Variants in TENM1 observed in about 807,000 individuals in gnomAD.
The protein encoded by TENM1 is teneurin transmembrane protein 1, also known as teneurin-1.
In TENM1, 35 loss-of-function variants were observed where a neutral mutation model predicts 174.8. The ratio of observed to expected loss-of-function variants is 0.20; its 90% CI spans 0.15 to 0.27. The LOEUF (loss-of-function observed/expected upper bound fraction) is 0.27. Ranked by LOEUF, TENM1 falls within the 10% of genes least tolerant of loss-of-function variation. TENM1 has a pLI of 1.00. For missense variants in TENM1, 1,633 were observed against 2,130.1 expected (o/e 0.77, Z 4.59); for synonymous variants, 781 against 798.7 (o/e 0.98, Z 0.37).
the TENM1 span, among the ~76,000 whole-genome samples, chrX:124,989,463 T>C: frequency 1.8e-5 from 2 of 111,126 alleles, no homozygotes; most frequent in African/African-American, 6.5e-5. Context: ...TGTCCCCAAA[T>C]TGCCATCCTA....
the TENM1 span, among the ~76,000 whole-genome samples, chrX:125,146,813 C>T: frequency 2.4e-4 from 27 of 111,060 alleles, no homozygotes; most frequent in African/African-American, 8.8e-4. Flanking sequence ...TAATTTCTGG[C>T]CATTTCTTCA....
chrX:124,632,757 T>C (rs2050791233), intron 11 of TENM1, among the ~76,000 whole-genome samples: 1 of 111,721 alleles, frequency 9.0e-6, no homozygotes, highest in Non-Finnish European at 1.9e-5. Flanking sequence ...AACAATCAGA[T>C]AAATGCAGGA....
At chrX:124,799,926 C>T (rs1302842576) in intron 3 of TENM1, among the ~76,000 whole-genome samples, 1 of 111,896 alleles carries the variant, frequency 8.9e-6, no homozygotes, top group African/African-American at 3.3e-5. Context: ...ATGTGTTGAA[C>T]CAGCCTTGCA....
intron 19 of TENM1, among the ~76,000 whole-genome samples, chrX:124,500,253 A>G (rs1471265071): frequency 8.9e-6 from 1 of 112,172 alleles, no homozygotes; most frequent in Non-Finnish European, 1.9e-5. Flanking sequence ...TTAAAGCTGA[A>G]GCAATCAAAA....
At chrX:124,484,916 A>G (rs1275444427) in intron 21 of TENM1, among the ~76,000 whole-genome samples, 2 of 111,287 alleles carry the variant, frequency 1.8e-5, no homozygotes, top group Non-Finnish European at 3.8e-5. Flanking sequence ...TCATCTCTCT[A>G]TTCTCAGTGC....
In TENM1 at chrX:124,423,206, A is replaced by G. The variant is rs749655629; in HGVS notation, c.4105-568T>C. The stretch of plus-strand genomic sequence containing the variant: ...GCAACCTTTTGCAACAGGACCTGCT[A>G]TTAGCATAGACCTAGCATCCACTTT... On this transcript the variant is annotated intron_variant, in intron 23 of 31. Coordinates refer to ENST00000422452, the Ensembl canonical transcript of TENM1. Among the ~76,000 whole-genome samples the G allele has an allele frequency of 7.1e-5, 8 of 112,566 alleles. No individual in the cohort carries two copies. The East Asian group carries it at 2.0e-3, about 27-fold the overall frequency.
chrX:124,662,455 G>GA (rs1224806453), intron 6 of TENM1, among the ~76,000 whole-genome samples: 462 of 31,017 alleles, frequency 0.015, 7 homozygotes, highest in Admixed American at 0.026. Flanking sequence ...CTTCATCTCA[G>GA]AAAAAAAAAA....
chrX:124,471,279 TAA>T (rs1491219981), intron 22 of TENM1, among the ~76,000 whole-genome samples: 9 of 46,774 alleles, frequency 1.9e-4, no homozygotes, highest in African/African-American at 8.4e-4. Flanking sequence ...GTACTATATA[TAA>T]TATATAGTAC....
chrX:124,779,926 C>T (rs746977053), intron 3 of TENM1, among the ~76,000 whole-genome samples: 1 of 111,760 alleles, frequency 8.9e-6, no homozygotes, highest in Non-Finnish European at 1.9e-5. Context: ...TGGGAACTAA[C>T]CTTAAGTCTG....
chrX:124,900,447 C>T (rs972088417), intron 1 of TENM1, among the ~76,000 whole-genome samples: 1 of 111,846 alleles, frequency 8.9e-6, no homozygotes, highest in East Asian at 2.8e-4. Flanking sequence ...TCTAAATGTC[C>T]GTTACCTTGA....
the TENM1 span, among the ~76,000 whole-genome samples, chrX:125,055,000 G>A: frequency 9.0e-6 from 1 of 111,442 alleles, no homozygotes; most frequent in African/African-American, 3.3e-5. Context: ...TAAGGCTTTC[G>A]GAAAATATAG....
chrX:124,918,440 A>G (rs1312451940), intron 1 of TENM1, among the ~76,000 whole-genome samples: 1 of 110,648 alleles, frequency 9.0e-6, no homozygotes, highest in East Asian at 2.8e-4. Context: ...TTGGCCTCCC[A>G]TAGTGTTGGG....
chrX:124,679,225 C>A (rs184187552), intron 5 of TENM1, among the ~76,000 whole-genome samples: 201 of 112,447 alleles, frequency 1.8e-3, no homozygotes, highest in African/African-American at 6.1e-3. Context: ...ATAATATTTT[C>A]TAAGATACTT....
intron 20 of TENM1, among the ~76,000 whole-genome samples, chrX:124,494,744 T>G (rs1342192668): frequency 9.3e-6 from 1 of 107,602 alleles, no homozygotes; most frequent in African/African-American, 3.4e-5. Context: ...TTCCCACCTA[T>G]GAGTGAGAAT....
At chrX:124,922,763 T>C (rs2058042031) in intron 1 of TENM1, among the ~76,000 whole-genome samples, 1 of 111,437 alleles carries the variant, frequency 9.0e-6, no homozygotes, top group East Asian at 2.8e-4. Context: ...TAAATAATTT[T>C]AAAATTTTCT....
At chrX:124,706,987 A>T (rs1319112283) in intron 4 of TENM1, among the ~76,000 whole-genome samples, 1 of 93,656 alleles carries the variant, frequency 1.1e-5, no homozygotes, top group Non-Finnish European at 2.0e-5. Context: ...TCTCGCTGTC[A>T]CCCAGGCTGT....
intron 3 of TENM1, among the ~76,000 whole-genome samples, chrX:124,747,953 AC>A (rs2053964985): frequency 8.9e-6 from 1 of 111,967 alleles, no homozygotes; most frequent in Non-Finnish European, 1.9e-5. Context: ...AAGCATGTAT[AC>A]ATGGTTCCCT....
chrX:124,587,269 T>C (rs760442177), intron 11 of TENM1, among the ~76,000 whole-genome samples: 5,013 of 110,114 alleles, frequency 0.046, 170 homozygotes, highest in African/African-American at 0.099. Context: ...GGAGGCATCA[T>C]GCTACCTGAC....
At chrX:124,985,647 C>T in the TENM1 span, among the ~76,000 whole-genome samples, 5 of 111,658 alleles carry the variant, frequency 4.5e-5, no homozygotes, top group African/African-American at 1.6e-4. Context: ...TAATATGTAA[C>T]CTGTACCTCA....
Sources: gnomAD v4.1 joint callset for allele counts (sites outside exome capture counted in the v4.1 genomes callset) on GRCh38, gnomAD v4.1.1 for gene constraint, MANE v1.5 for transcripts, NCBI Gene and HGNC (gene_info 2026-07-23, HGNC 2026-07-21) for gene names.